The following ZZZ3 variants were observed in gnomAD, a reference collection of about 807,000 sequenced individuals.
ZZZ3 encodes zinc finger ZZ-type containing 3.
ZZZ3 carries 22 observed loss-of-function variants against 95.2 expected under a neutral mutation model. That is an observed-to-expected ratio of 0.23 (90% CI 0.17 to 0.33). The LOEUF (loss-of-function observed/expected upper bound fraction) is 0.33, where lower values mean the gene tolerates loss of function less well. ZZZ3 is among the 10% of genes least tolerant of loss of function. The pLI is 1.00. For missense variants in ZZZ3, 885 were observed against 1,066.5 expected, an observed-to-expected ratio of 0.83 and a Z score of 2.37; for synonymous variants, 335 against 358.9, an observed-to-expected ratio of 0.93 and a Z score of 0.75.
chr1:77,605,879 T>G (rs1665180482), intron 5 of ZZZ3, among the ~76,000 whole-genome samples: 1 of 152,146 alleles, frequency 6.6e-6, no homozygotes, highest in South Asian at 2.1e-4. Context: ...CTCTGAAATG[T>G]GCTGGCTTCA....
chr1:77,676,876 T>C (rs939160267), intron 1 of ZZZ3: 9 of 152,066 alleles, frequency 5.9e-5, no homozygotes, highest in Non-Finnish European at 1.0e-4. Context: ...AAATTACCAA[T>C]TTGGAGGAAA....
At chr1:77,623,086 T>C (rs1317335124) in intron 5 of ZZZ3, among the ~76,000 whole-genome samples, 3 of 152,164 alleles carry the variant, frequency 2.0e-5, no homozygotes, top group Non-Finnish European at 4.4e-5. Context: ...ATAATAACTA[T>C]TTCCAAACAT....
intron 1 of ZZZ3, among the ~76,000 whole-genome samples, chr1:77,671,169 T>G (rs1330370916): frequency 1.3e-5 from 2 of 152,188 alleles, no homozygotes; most frequent in African/African-American, 4.8e-5. Flanking sequence ...ATTTTTCCTT[T>G]AAAAACTTTG....
At chr1:77,658,423 C>G (rs903078759) in intron 1 of ZZZ3, among the ~76,000 whole-genome samples, 6 of 151,804 alleles carry the variant, frequency 4.0e-5, no homozygotes, top group African/African-American at 1.5e-4. Context: ...TTCACTGCAG[C>G]CTTGATCTCC....
chr1:77,613,070 T>C (rs116034285), intron 5 of ZZZ3, among the ~76,000 whole-genome samples: 4,011 of 152,188 alleles, frequency 0.026, 57 homozygotes, highest in Middle Eastern at 0.078. Flanking sequence ...TAAAATTTAT[T>C]ATTTTGTAAA....
Position 77,584,613 on chromosome 1 carries a change from C to T in ZZZ3, c.1548G>A (p.Gln516=). 1 of 1,612,150 alleles carries T rather than the reference C, an allele frequency of 6.2e-7. No individual in the cohort carries two copies. Among genetic ancestry groups the T allele is most frequent in the Non-Finnish European group, 8.5e-7 (1 of 1,179,292 alleles). The change falls in exon 6 of 15, where the codon CAG becomes CAA. Residue 516 remains glutamine, a synonymous_variant. Transcript: ENST00000370801. ...CAAGGTCTTGGACTGCTTGAGAACG[C>T]TGAGCCTCGAGTACAGCAATCGTCT... ...LLQTIAVLEA[Q]RSQAVQDLES...
chr1:77,598,812 T>C (rs1466852287), intron 5 of ZZZ3, among the ~76,000 whole-genome samples: 1 of 152,186 alleles, frequency 6.6e-6, no homozygotes, highest in African/African-American at 2.4e-5. Flanking sequence ...AGAGTGACAG[T>C]TGCTAAAGCA....
intron 12 of ZZZ3, among the ~76,000 whole-genome samples, chr1:77,572,498 CCTGG>C: frequency 6.6e-6 from 1 of 152,178 alleles, no homozygotes; most frequent in Non-Finnish European, 1.5e-5. Context: ...CACCACCATA[CCTGG>C]CTAATTTTTG....
intron 5 of ZZZ3, among the ~76,000 whole-genome samples, chr1:77,594,498 T>C (rs2100636905): frequency 6.6e-6 from 1 of 152,190 alleles, no homozygotes; most frequent in South Asian, 2.1e-4. Flanking sequence ...AAAGTGCTCA[T>C]AAAAATGAAA....
intron 1 of ZZZ3, among the ~76,000 whole-genome samples, chr1:77,672,124 C>T (rs1260142768): frequency 6.6e-6 from 1 of 152,120 alleles, no homozygotes; most frequent in South Asian, 2.1e-4. Flanking sequence ...CGAAGGAAAG[C>T]GAAACTGAAG....
chr1:77,589,412 T>TTTTATTTATTTATTTA (rs71244406), intron 5 of ZZZ3, among the ~76,000 whole-genome samples: 2 of 144,470 alleles, frequency 1.4e-5, no homozygotes, highest in Non-Finnish European at 3.0e-5. Context: ...TGGAGGTTGA[T>TTTTATTTATTTATTTA]TTTATTTATT....
intron 12 of ZZZ3, among the ~76,000 whole-genome samples, chr1:77,570,261 C>T (rs1474380823): frequency 6.6e-6 from 1 of 152,186 alleles, no homozygotes; most frequent in Non-Finnish European, 1.5e-5. Flanking sequence ...CGTCACCACA[C>T]CCAGCTAATT....
chr1:77,632,228 T>A lies in ZZZ3; in HGVS notation c.1127A>T (p.Tyr376Phe). Residue 376 changes from tyrosine to phenylalanine, a missense_variant, in exon 5 of 15, where the codon TAT becomes TTT. Around this residue, in one of 5 missense-constraint regions of ZZZ3, gnomAD observed 556 missense variants for 652.9 expected, o/e 0.85. Transcript: ENST00000370801. ...CCTTCGTGGTGAGGTTCTCAGAGTA[T>A]AACGATGTTCTTGAGGTTCTGATAA... is the stretch of plus-strand genomic sequence containing the variant. Reference protein sequence around the residue: ...MSLSEPQEHRYTLRTSPRRAA... With the variant: ...MSLSEPQEHRFTLRTSPRRAA... The A allele has an allele frequency of 6.2e-7, 1 of 1,614,046 alleles. No homozygotes were observed. Among genetic ancestry groups the A allele is most frequent in the Non-Finnish European group, 8.5e-7 (1 of 1,180,014 alleles).
rs1458363282 is a variant in ZZZ3 at position 77,632,927 on chromosome 1, G to A, written c.428C>T (p.Ser143Leu). ...CACTACTGTACTCCTCTGTTCTACT[G>A]ACTCCTTGTCTGATTTTATAGGAGA... ...EDSPIKSDKE[S>L]VEQRSTVVDN... The change falls in exon 5 of 15, where the codon TCA (serine) becomes TTA (leucine). Residue 143 changes from serine (S) to leucine (L), a missense_variant. Ser to Leu is a moderately radical substitution (Grantham distance 145). This residue lies in a region of ZZZ3 where 556 missense variants were observed against 652.9 expected (regional missense o/e 0.85). Transcript: ENST00000370801. 1 of 1,614,080 alleles carries A rather than the reference G, an allele frequency of 6.2e-7. No individual in the cohort carries two copies. Among genetic ancestry groups the A allele is most frequent in the Non-Finnish European group, 8.5e-7 (1 of 1,180,024 alleles).
intron 1 of ZZZ3, among the ~76,000 whole-genome samples, chr1:77,667,825 G>A (rs973678458): frequency 1.3e-5 from 2 of 148,696 alleles, no homozygotes; most frequent in African/African-American, 5.0e-5. Flanking sequence ...GAGTGCAGTG[G>A]CATGACATTG....
chr1:77,663,025 G>A (rs959510558), intron 1 of ZZZ3, among the ~76,000 whole-genome samples: 3 of 151,860 alleles, frequency 2.0e-5, no homozygotes, highest in Non-Finnish European at 2.9e-5. Flanking sequence ...AGATTGCCTG[G>A]GGCTGGCAGG....
At chr1:77,660,696 C>A (rs1670702018) in intron 1 of ZZZ3, among the ~76,000 whole-genome samples, 1 of 152,290 alleles carries the variant, frequency 6.6e-6, no homozygotes, top group Admixed American at 6.5e-5. Flanking sequence ...CTCTTCAAGA[C>A]CCGGCCTTCA....
chr1:77,600,605 G>A (rs1664635704), intron 5 of ZZZ3, among the ~76,000 whole-genome samples: 1 of 152,110 alleles, frequency 6.6e-6, no homozygotes, highest in Admixed American at 6.6e-5. Context: ...ACAGAGACCA[G>A]GCAGAAGAAA....
At chr1:77,681,264 C>T (rs1201188605) in intron 1 of ZZZ3, among the ~76,000 whole-genome samples, 2 of 152,056 alleles carry the variant, frequency 1.3e-5, no homozygotes, top group Non-Finnish European at 2.9e-5. Context: ...GTGAAACAAG[C>T]ACTGTGTTAC....
Sources: gnomAD v4.1 joint callset for allele counts (sites outside exome capture counted in the v4.1 genomes callset) on GRCh38, gnomAD v4.1.1 for gene constraint, gnomAD v4.1.1 regional missense constraint, MANE v1.5 for transcripts, NCBI Gene and HGNC (gene_info 2026-07-23, HGNC 2026-07-21) for gene names.